Variants in FHIT observed in about 807,000 individuals in gnomAD.
The protein encoded by FHIT is bis(5'-adenosyl)-triphosphatase.
Under a neutral mutation model 17.9 loss-of-function variants are expected in FHIT, and 19 were observed. The ratio of observed to expected loss-of-function variants is 1.06; its 90% CI spans 0.74 to 1.56. The LOEUF (loss-of-function observed/expected upper bound fraction) is 1.56, where lower values mean the gene tolerates loss of function less well. Among genes scored for constraint, FHIT ranks in the 40% most tolerant of loss-of-function variants. The pLI, the probability that FHIT is intolerant of heterozygous loss-of-function variation, is 0.00. For synonymous variants in FHIT, 81 were observed against 69.7 expected (o/e 1.16, Z -0.81); for missense variants, 248 against 189.2 (o/e 1.31, Z -1.82).
intron 5 of FHIT, among the ~76,000 whole-genome samples, chr3:60,461,314 A>C (rs1478541300): frequency 3.3e-5 from 5 of 152,210 alleles, no homozygotes; most frequent in African/African-American, 1.2e-4. Flanking sequence ...GACGTAGAGC[A>C]CATTATGCAA....
At chr3:60,356,425 C>T (rs916867506) in intron 5 of FHIT, among the ~76,000 whole-genome samples, 2 of 152,026 alleles carry the variant, frequency 1.3e-5, no homozygotes, top group African/African-American at 4.8e-5. Flanking sequence ...TTAAAATGGA[C>T]AGCCAATTTT....
At chr3:60,805,836 G>A (rs1701364366) in intron 4 of FHIT, among the ~76,000 whole-genome samples, 1 of 152,134 alleles carries the variant, frequency 6.6e-6, no homozygotes. Context: ...TGGGATTACA[G>A]GTGTGAGCCA....
intron 8 of FHIT, among the ~76,000 whole-genome samples, chr3:59,822,719 G>C (rs1700840988): frequency 6.6e-6 from 1 of 152,052 alleles, no homozygotes; most frequent in African/African-American, 2.4e-5. Flanking sequence ...CAGATATATA[G>C]ATTGTCAAGA....
intron 5 of FHIT, among the ~76,000 whole-genome samples, chr3:60,137,550 A>G (rs949473291): frequency 6.6e-6 from 1 of 152,186 alleles, no homozygotes; most frequent in East Asian, 1.9e-4. Context: ...TGACTATGTG[A>G]TGAGGGCTGG....
chr3:60,866,340 A>T (rs1553753845), intron 3 of FHIT, among the ~76,000 whole-genome samples: 2 of 152,180 alleles, frequency 1.3e-5, no homozygotes, highest in Admixed American at 1.3e-4. Context: ...CTAGGTTAGA[A>T]GAGCCATGAG....
chr3:60,686,419 A>G (rs2040863678), intron 4 of FHIT, among the ~76,000 whole-genome samples: 1 of 152,156 alleles, frequency 6.6e-6, no homozygotes. Context: ...AACCACGATT[A>G]CTTTTGCACC....
chr3:60,733,324 T>C (rs71313787), intron 4 of FHIT, among the ~76,000 whole-genome samples: 2 of 152,242 alleles, frequency 1.3e-5, no homozygotes, highest in African/African-American at 4.8e-5. Context: ...ATGTGAAACT[T>C]CCAGATTTTC....
intron 5 of FHIT, among the ~76,000 whole-genome samples, chr3:60,026,045 T>C (rs1040511112): frequency 1.3e-5 from 2 of 152,184 alleles, no homozygotes; most frequent in South Asian, 4.1e-4. Context: ...GTTCTTTCCA[T>C]CTGCTTACAC....
At chr3:60,787,415 A>G (rs1422907433) in intron 4 of FHIT, among the ~76,000 whole-genome samples, 1 of 152,154 alleles carries the variant, frequency 6.6e-6, no homozygotes, top group Non-Finnish European at 1.5e-5. Flanking sequence ...ATGCTCTAAT[A>G]GTGTCTGATA....
intron 4 of FHIT, among the ~76,000 whole-genome samples, chr3:60,735,492 A>G (rs540876384): frequency 5.1e-4 from 77 of 152,356 alleles, no homozygotes; most frequent in African/African-American, 1.7e-3. Flanking sequence ...TTTGAGAACT[A>G]CTGAAGGAAC....
At position 60,466,841 on chromosome 3, in the gene FHIT, T is replaced by TA. The variant is rs1184498202; in HGVS notation, c.103+70018dup. On this transcript the variant is annotated intron_variant, in intron 5 of 9. Coordinates refer to ENST00000492590, the MANE Select transcript of FHIT (RefSeq NM_002012.4). ...GCCTGCAGTTTTTTTTTTTTTTTTTTAATGTGCCTTTGTCTGGTTTTTGTA... is the reference window on the plus strand; with the variant it reads ...GCCTGCAGTTTTTTTTTTTTTTTTTTAAATGTGCCTTTGTCTGGTTTTTGTA... 2.9e-5 allele frequency among the ~76,000 whole-genome samples: 4 copies of TA among 138,506 alleles called. No homozygotes were observed. The South Asian group carries it at 9.2e-4, about 32-fold the overall frequency. The allele number at this position is 138,506 out of a possible 152,430, so 90.9% of individuals were successfully genotyped here.
At chr3:59,893,057 T>C (rs902735222) in intron 8 of FHIT, among the ~76,000 whole-genome samples, 1 of 152,250 alleles carries the variant, frequency 6.6e-6, no homozygotes, top group South Asian at 2.1e-4. Context: ...CTCATAAATA[T>C]GTAGTCAGTT....
At chr3:61,112,262 ATTT>A (rs11297153) in intron 2 of FHIT, among the ~76,000 whole-genome samples, 1 of 145,626 alleles carries the variant, frequency 6.9e-6, no homozygotes, top group Non-Finnish European at 1.5e-5. Context: ...CACTGCCTTA[ATTT>A]TTTTTTTTTT....
At chr3:60,253,140 T>C (rs1369618061) in intron 5 of FHIT, among the ~76,000 whole-genome samples, 1 of 152,152 alleles carries the variant, frequency 6.6e-6, no homozygotes. Flanking sequence ...TATTTTTAAG[T>C]TTTTATTTCC....
intron 5 of FHIT, among the ~76,000 whole-genome samples, chr3:60,237,155 A>G (rs930640186): frequency 6.6e-6 from 1 of 152,182 alleles, no homozygotes; most frequent in Non-Finnish European, 1.5e-5. Context: ...TTTCAAAAAT[A>G]GAATTACTAG....
chr3:59,821,737 G>A (rs188525037), intron 8 of FHIT, among the ~76,000 whole-genome samples: 1 of 151,772 alleles, frequency 6.6e-6, no homozygotes, highest in Non-Finnish European at 1.5e-5. Context: ...TCTGCTCCTG[G>A]TTCTTAGAGT....
At chr3:60,245,123 T>C (rs1705328087) in intron 5 of FHIT, among the ~76,000 whole-genome samples, 1 of 152,024 alleles carries the variant, frequency 6.6e-6, no homozygotes, top group South Asian at 2.1e-4. Flanking sequence ...ATAGAGAATA[T>C]GGATATGAAT....
intron 7 of FHIT, among the ~76,000 whole-genome samples, chr3:59,980,203 T>C (rs1426263809): frequency 6.6e-6 from 1 of 152,152 alleles, no homozygotes. Context: ...CTCTTCATGA[T>C]CATCACAAAT....
chr3:61,017,414 T>C (rs1201127151), intron 3 of FHIT, among the ~76,000 whole-genome samples: 1 of 152,202 alleles, frequency 6.6e-6, no homozygotes, highest in African/African-American at 2.4e-5. Context: ...AGAAAAACAG[T>C]TTCAGAGATT....
Sources: allele counts gnomAD v4.1 joint callset (sites outside exome capture counted in the v4.1 genomes callset), GRCh38; gene constraint gnomAD v4.1.1; transcripts MANE v1.5; gene names NCBI Gene and HGNC (gene_info 2026-07-23, HGNC 2026-07-21).